ELP2: variants seen among roughly 807,000 people sequenced by gnomAD.
ELP2 encodes elongator acetyltransferase complex subunit 2, also known as elongator complex protein 2.
ELP2 carries 90 observed loss-of-function variants against 119.2 expected under a neutral mutation model. The ratio of observed to expected loss-of-function variants is 0.75; its 90% CI spans 0.64 to 0.90. The LOEUF is 0.90. Among genes scored for constraint, ELP2 ranks in the 40% least tolerant of loss-of-function variants. The pLI is 0.00. For missense variants in ELP2, 921 were observed against 967.8 expected (o/e 0.95, Z 0.64); for synonymous variants, 339 against 331.0 (o/e 1.02, Z -0.26).
In ELP2 at chr18:36,154,864, A is replaced by T; in HGVS notation, c.1140A>T (p.Pro380=). 6.2e-7 allele frequency: 1 copy of T among 1,614,182 alleles called. No homozygotes were observed. Among genetic ancestry groups the T allele is most frequent in the East Asian group, 2.2e-5 (1 of 44,870 alleles). Residue 380 remains proline (P), a synonymous_variant, in exon 12 of 22, where the codon CCA becomes CCT. Coordinates refer to ENST00000358232, the MANE Select transcript of ELP2 (RefSeq NM_018255.4). ...TTCCATTGCAGAGAGAGTGGACTCCAGAGATTGTCATTTCAGGACACTTTG... is the reference window on the plus strand; with the variant it reads ...TTCCATTGCAGAGAGAGTGGACTCCTGAGATTGTCATTTCAGGACACTTTG... ...QNTVNPREWT[P]EIVISGHFDG...
At chr18:36,154,708 A>G (rs1431412345) in intron 11 of ELP2, 142 bp from the exon 12 acceptor site, 4 of 826,736 alleles carry the variant, frequency 4.8e-6, no homozygotes, top group Non-Finnish European at 8.0e-6. Context: ...AATGGATCCT[A>G]TTATTCTGTG....
Position 36,142,827 on chromosome 18 carries a change from T to G in ELP2, c.657T>G (p.Gly219=). The change falls in exon 8 of 22, where the codon GGT becomes GGG. Residue 219 remains glycine, a splice_region_variant and synonymous_variant. Transcript: ENST00000358232. The part of the protein sequence containing the change: ...WIRGVEWAAF[G]RDLFLASCSQ... ...TAATACAACTTATTTTTTAATTAGG[T>G]AGAGATCTTTTCCTAGCAAGCTGTT... The G allele has an allele frequency of 6.3e-7, 1 of 1,595,320 alleles. No individual in the cohort carries two copies. Among genetic ancestry groups the G allele is most frequent in the Admixed American group, 1.7e-5 (1 of 59,476 alleles).
chr18:36,167,896 C>T (rs2090955744), intron 19 of ELP2, among the ~76,000 whole-genome samples: 1 of 152,016 alleles, frequency 6.6e-6, no homozygotes, highest in African/African-American at 2.4e-5. Context: ...AGGCTGGTCC[C>T]AAACTCCTGG....
chr18:36,150,014 A>T (rs988839342), intron 11 of ELP2, among the ~76,000 whole-genome samples: 6 of 152,134 alleles, frequency 3.9e-5, no homozygotes, highest in Non-Finnish European at 7.3e-5. Flanking sequence ...TTTTTATGGC[A>T]TGTTGAGCAT....
At chr18:36,173,068 A>G (rs908200253) in intron 21 of ELP2, among the ~76,000 whole-genome samples, 3 of 152,224 alleles carry the variant, frequency 2.0e-5, no homozygotes, top group Admixed American at 2.0e-4. Flanking sequence ...GATTTAAAGG[A>G]CATTACCAAA....
chr18:36,139,432 T>C (rs540161364), intron 5 of ELP2: 1 of 1,535,550 alleles, frequency 6.5e-7, no homozygotes, highest in Admixed American at 2.0e-5. Context: ...CCTGGAAGAC[T>C]GGCCAGGTGG....
rs1257148002 is a variant in ELP2, at chr18:36,174,784, C to A, written c.*143C>A. ...GAGTCTTGCTTTGTCACAACCTCCA[C>A]CTCCCAGGTTCAAGCGATTCTCTTT... On this transcript the variant is annotated 3_prime_UTR_variant, in exon 22 of 22. Coordinates refer to ENST00000358232, the MANE Select transcript of ELP2 (RefSeq NM_018255.4). The A allele has an allele frequency of 6.6e-6, 5 of 754,064 alleles. No individual in the cohort carries two copies. Among genetic ancestry groups the A allele is most frequent in the South Asian group, 1.7e-5 (1 of 58,560 alleles). 46.7% of individuals were successfully genotyped at this position (754,064 alleles called of 1,614,324 possible).
At chr18:36,131,680 C>T (rs2089633790) in intron 1 of ELP2, among the ~76,000 whole-genome samples, 1 of 152,202 alleles carries the variant, frequency 6.6e-6, no homozygotes, top group South Asian at 2.1e-4. Flanking sequence ...AAACTTGCCG[C>T]TATATCACAG....
intron 11 of ELP2, among the ~76,000 whole-genome samples, chr18:36,149,420 C>G (rs940412818): frequency 6.6e-6 from 1 of 151,666 alleles, no homozygotes; most frequent in African/African-American, 2.4e-5. Flanking sequence ...ACAACCCATT[C>G]CCGTCATGCC....
chr18:36,167,129 C>A lies in ELP2; in HGVS notation c.1983C>A (p.Thr661=). The A allele has an allele frequency of 6.3e-7, 1 of 1,598,698 alleles. No individual in the cohort carries two copies. Among genetic ancestry groups the A allele is most frequent in the Non-Finnish European group, 8.5e-7 (1 of 1,172,686 alleles). ...CAGTTTTTAGTCTTTTTGCCTTCAC[C>A]AACAAAATTACTTCTGTGCACAGTA... ...FEPVFSLFAF[T]NKITSVHSRI... is the part of the protein sequence containing the mutation. The change falls in exon 19 of 22, where the codon ACC becomes ACA. Residue 661 remains threonine (T), a synonymous_variant. Coordinates refer to ENST00000358232, the MANE Select transcript of ELP2 (RefSeq NM_018255.4).
At chr18:36,143,116 G>A in intron 8 of ELP2, 150 bp downstream of exon 8, 1 of 582,694 alleles carries the variant, frequency 1.7e-6, no homozygotes, top group Non-Finnish European at 2.9e-6. Flanking sequence ...TTTTTTTTGA[G>A]ACAGAGTTTT....
intron 9 of ELP2, chr18:36,145,357 C>T: frequency 2.9e-6 from 1 of 348,562 alleles, no homozygotes; most frequent in South Asian, 2.6e-5. Flanking sequence ...TCACTGGATC[C>T]TTTACCCTCA....
At chr18:36,139,513 A>T in intron 5 of ELP2, 1 of 1,535,720 alleles carries the variant, frequency 6.5e-7, no homozygotes, top group Non-Finnish European at 8.7e-7. Flanking sequence ...CTATGGTTTC[A>T]TGTTACGCTT....
rs1393659458 is a variant in ELP2, at chr18:36,178,516, T to C, written c.*3875T>C. On this transcript the variant is annotated 3_prime_UTR_variant, in exon 22 of 22. Transcript: ENST00000358232. ...TTGATCTGAACTAGCCAATCAATCT[T>C]GTAAAAATGTGCTTAAGGGACAAAG... 2.0e-5 allele frequency: 3 copies of C among 152,180 alleles called. No individual in the cohort carries two copies. Among genetic ancestry groups the C allele is most frequent in the Admixed American group, 1.3e-4 (2 of 15,286 alleles). 9.4% of individuals were successfully genotyped at this position (152,180 alleles called of 1,614,324 possible).
At chr18:36,135,728 G>T (rs2089800517) in intron 2 of ELP2, among the ~76,000 whole-genome samples, 1 of 152,120 alleles carries the variant, frequency 6.6e-6, no homozygotes, top group Non-Finnish European at 1.5e-5. Context: ...TGCCAAGAGT[G>T]TTTAGCCTGC....
intron 12 of ELP2, among the ~76,000 whole-genome samples, chr18:36,155,912 A>C (rs1161339604): frequency 1.3e-5 from 2 of 152,222 alleles, no homozygotes; most frequent in African/African-American, 4.8e-5. Flanking sequence ...AAAATGTAAA[A>C]GATAGATCCT....
At position 36,156,430 on chromosome 18, in the gene ELP2, T is replaced by C. The variant is rs768223502; in HGVS notation, c.1276-36T>C. Reference sequence around the variant, plus strand: ...AATTTGCTTATTGAAAATTCAGCTTTTGAATGATCATTTTTGTTTATCCCG... The same window carrying C: ...AATTTGCTTATTGAAAATTCAGCTTCTGAATGATCATTTTTGTTTATCCCG... On this transcript the variant is annotated intron_variant, in intron 12 of 21. Transcript: ENST00000358232. The C allele has an allele frequency of 3.1e-6, 5 of 1,604,548 alleles. No homozygotes were observed. The South Asian group carries it at 4.4e-5, about 14-fold the overall frequency.
Position 36,164,579 on chromosome 18 carries a change from C to T in ELP2, c.1866C>T (p.Phe622=). 1 of 1,614,108 alleles carries T rather than the reference C, an allele frequency of 6.2e-7. No individual in the cohort carries two copies. Among genetic ancestry groups the T allele is most frequent in the Non-Finnish European group, 8.5e-7 (1 of 1,180,006 alleles). The change falls in exon 18 of 22, where the codon TTC becomes TTT. Residue 622 remains phenylalanine (F), a synonymous_variant. Coordinates refer to ENST00000358232, the MANE Select transcript of ELP2 (RefSeq NM_018255.4). ...GTTTGACAGTCACGCAGATGGCCTT[C>T]TCACCTAATGAGAAGTTCTTACTAG... ...FHSLTVTQMA[F]SPNEKFLLAV...
At position 36,178,010 on chromosome 18, in the gene ELP2, C is replaced by T. The variant is rs2091264005; in HGVS notation, c.*3369C>T. The T allele has an allele frequency of 4.6e-5, 7 of 152,170 alleles. No homozygotes were observed. The highest frequency in any genetic ancestry group is 4.6e-4 in the Admixed American group (7 of 15,266). The allele number at this position is 152,170 out of a possible 1,614,324, so 9.4% of individuals were successfully genotyped here. On this transcript the variant is annotated 3_prime_UTR_variant, in exon 22 of 22. Coordinates refer to ENST00000358232, the MANE Select transcript of ELP2 (RefSeq NM_018255.4). ...GGTAACAACGTGTTGGGGAAAATGG[C>T]CTTGGAATATTTCATTCAAATTGGA... is the stretch of plus-strand genomic sequence containing the variant.
Sources: gnomAD v4.1 joint callset for allele counts (sites outside exome capture counted in the v4.1 genomes callset) on GRCh38, gnomAD v4.1.1 for gene constraint, MANE v1.5 for transcripts, NCBI Gene and HGNC (gene_info 2026-07-23, HGNC 2026-07-21) for gene names.